Variants in EPC2 observed in about 807,000 individuals in gnomAD.
EPC2 encodes the protein enhancer of polycomb 2, also known as enhancer of polycomb homolog 2.
In EPC2, 14 loss-of-function variants were observed where a neutral mutation model predicts 92.1. That is an observed-to-expected ratio of 0.15 (90% CI 0.10 to 0.24). EPC2 has a LOEUF of 0.24. Among genes scored for constraint, EPC2 ranks in the 10% least tolerant of loss-of-function variants. The pLI, the probability that EPC2 is intolerant of heterozygous loss-of-function variation, is 1.00. For missense variants in EPC2, 755 were observed against 971.5 expected (o/e 0.78, Z 2.96); for synonymous variants, 340 against 334.7 (o/e 1.02, Z -0.17).
chr2:148,782,453 C>T (rs1683771708), intron 11 of EPC2, among the ~76,000 whole-genome samples: 2 of 151,986 alleles, frequency 1.3e-5, no homozygotes, highest in Admixed American at 6.6e-5. Context: ...ATGAGAATCG[C>T]TTGAACCCTG....
intron 2 of EPC2, among the ~76,000 whole-genome samples, chr2:148,736,809 A>G (rs1273304515): frequency 6.6e-6 from 1 of 152,076 alleles, no homozygotes; most frequent in Non-Finnish European, 1.5e-5. Flanking sequence ...TTTACCAAAA[A>G]AGTTTCAGGG....
chr2:148,698,586 A>G (rs1681800098), intron 2 of EPC2, among the ~76,000 whole-genome samples: 1 of 137,088 alleles, frequency 7.3e-6, no homozygotes, highest in Non-Finnish European at 1.5e-5. Flanking sequence ...CAGTGAGCCG[A>G]GATCGTGCCA....
intron 1 of EPC2, among the ~76,000 whole-genome samples, chr2:148,670,507 G>A (rs909664852): frequency 7.2e-5 from 11 of 152,138 alleles, no homozygotes; most frequent in East Asian, 3.9e-4. Flanking sequence ...CCTCTTACCC[G>A]TTAATATGGG....
At chr2:148,673,616 C>G (rs1335660733) in intron 1 of EPC2, among the ~76,000 whole-genome samples, 1 of 152,196 alleles carries the variant, frequency 6.6e-6, no homozygotes, top group East Asian at 1.9e-4. Flanking sequence ...CAGAGTCTCA[C>G]TCTGTCACCC....
chr2:148,657,088 C>A (rs1348053046), intron 1 of EPC2, among the ~76,000 whole-genome samples: 2 of 151,694 alleles, frequency 1.3e-5, no homozygotes, highest in African/African-American at 4.8e-5. Context: ...GTTTTGGGAT[C>A]TAGTGTAGAG....
At chr2:148,696,039 C>T (rs1011094092) in intron 2 of EPC2, among the ~76,000 whole-genome samples, 3 of 152,318 alleles carry the variant, frequency 2.0e-5, no homozygotes, top group East Asian at 1.9e-4. Flanking sequence ...TAGCTGCAAC[C>T]GTGTCCTATT....
At chr2:148,691,809 T>C (rs994766348) in intron 2 of EPC2, 4 of 692,520 alleles carry the variant, frequency 5.8e-6, no homozygotes, top group Non-Finnish European at 1.1e-5. Flanking sequence ...ATTCTTTGCT[T>C]TCCCTTTCTG....
At chr2:148,725,290 A>G (rs1682471631) in intron 2 of EPC2, among the ~76,000 whole-genome samples, 1 of 152,036 alleles carries the variant, frequency 6.6e-6, no homozygotes. Flanking sequence ...AATTCTATCT[A>G]CTGTTCTCCA....
chr2:148,669,775 C>T (rs1165290618), intron 1 of EPC2, among the ~76,000 whole-genome samples: 4 of 152,162 alleles, frequency 2.6e-5, no homozygotes, highest in Non-Finnish European at 4.4e-5. Context: ...GTTAGGGAGT[C>T]TGAAGCACTG....
chr2:148,725,023 G>C (rs1682465509), intron 2 of EPC2, among the ~76,000 whole-genome samples: 1 of 152,012 alleles, frequency 6.6e-6, no homozygotes, highest in Admixed American at 6.5e-5. Flanking sequence ...CCTTGTTCTA[G>C]TAGTATTTGG....
At chr2:148,645,212 C>G in intron 1 of EPC2, 42 bp downstream of exon 1, 2 of 1,495,052 alleles carry the variant, frequency 1.3e-6, no homozygotes, top group Non-Finnish European at 9.1e-7. Flanking sequence ...CCCTCCTCCC[C>G]CCTCCCCTTT....
intron 2 of EPC2, among the ~76,000 whole-genome samples, chr2:148,731,014 T>C (rs1682617369): frequency 6.6e-6 from 1 of 152,222 alleles, no homozygotes; most frequent in Non-Finnish European, 1.5e-5. Flanking sequence ...CTCTTGCAGT[T>C]AAGGATATCC....
At chr2:148,663,784 A>G (rs1163578496) in intron 1 of EPC2, among the ~76,000 whole-genome samples, 1 of 151,974 alleles carries the variant, frequency 6.6e-6, no homozygotes, top group African/African-American at 2.4e-5. Flanking sequence ...AAACTGTTCC[A>G]TCTCAGATAA....
At chr2:148,698,536 T>A (rs1382823531) in intron 2 of EPC2, among the ~76,000 whole-genome samples, 1 of 148,224 alleles carries the variant, frequency 6.7e-6, no homozygotes, top group African/African-American at 2.5e-5. Context: ...CTCCGGAGGC[T>A]GAGGCAGAAG....
chr2:148,715,502 T>G (rs1259763222), intron 2 of EPC2, among the ~76,000 whole-genome samples: 1 of 152,224 alleles, frequency 6.6e-6, no homozygotes, highest in African/African-American at 2.4e-5. Flanking sequence ...ATTGCTTGTT[T>G]TTGTCAGGTT....
chr2:148,774,614 A>AATATATATTATATTATATATAT (rs1683588056), intron 10 of EPC2, among the ~76,000 whole-genome samples: 1 of 144,934 alleles, frequency 6.9e-6, no homozygotes, highest in Admixed American at 7.1e-5. Context: ...CTCAAAAAAA[A>AATATATATTATATTATATATAT]AAATATATTT....
intron 2 of EPC2, among the ~76,000 whole-genome samples, chr2:148,724,148 CTT>C (rs1214394291): frequency 3.3e-5 from 5 of 151,920 alleles, no homozygotes; most frequent in African/African-American, 1.2e-4. Flanking sequence ...TCCTCAAATG[CTT>C]TCTTTATTTT....
chr2:148,647,089 G>A (rs1384841131), intron 1 of EPC2, among the ~76,000 whole-genome samples: 6 of 152,076 alleles, frequency 3.9e-5, no homozygotes, highest in African/African-American at 1.4e-4. Flanking sequence ...CAGCCTGGGG[G>A]ACAGAGCGAG....
intron 4 of EPC2, among the ~76,000 whole-genome samples, chr2:148,757,484 T>C (rs530852467): frequency 1.7e-4 from 26 of 152,282 alleles, no homozygotes; most frequent in African/African-American, 6.0e-4. Context: ...ACTGAGAGTC[T>C]CTAGAAGCAG....
Sources: gnomAD v4.1 joint callset for allele counts (sites outside exome capture counted in the v4.1 genomes callset) on GRCh38, gnomAD v4.1.1 for gene constraint, MANE v1.5 for transcripts, NCBI Gene and HGNC (gene_info 2026-07-23, HGNC 2026-07-21) for gene names.